Variants in GRIA4 observed in about 807,000 individuals in gnomAD.
The protein encoded by GRIA4 is glutamate ionotropic receptor AMPA type subunit 4, also known as glutamate receptor 4.
In GRIA4, 34 loss-of-function variants were observed where a neutral mutation model predicts 104.0. The observed-to-expected ratio is 0.33, with a 90% CI of 0.25 to 0.44. GRIA4 has a LOEUF of 0.44. Ranked by LOEUF, GRIA4 falls within the 20% of genes least tolerant of loss-of-function variation. GRIA4 has a pLI of 1.00. For synonymous variants in GRIA4, 386 were observed against 381.9 expected, an observed-to-expected ratio of 1.01 and a Z score of -0.13; for missense variants, 750 against 1,096.5, an observed-to-expected ratio of 0.68 and a Z score of 4.46.
At chr11:105,947,828 A>G (rs771316491) in intron 14 of GRIA4, among the ~76,000 whole-genome samples, 2 of 152,204 alleles carry the variant, frequency 1.3e-5, no homozygotes, top group Non-Finnish European at 2.9e-5. Context: ...TTAAAATTTG[A>G]ATTGTTTAAA....
intron 3 of GRIA4, among the ~76,000 whole-genome samples, chr11:105,676,411 A>C (rs113781907): frequency 1.3e-5 from 2 of 151,862 alleles, no homozygotes; most frequent in African/African-American, 4.8e-5. Context: ...AATGACTAAA[A>C]AAACTATTTT....
chr11:105,913,869 C>T (rs1157225201), intron 10 of GRIA4, among the ~76,000 whole-genome samples: 1 of 152,056 alleles, frequency 6.6e-6, no homozygotes, highest in East Asian at 1.9e-4. Context: ...AATTTATTCA[C>T]TCCAGTATCA....
chr11:105,929,540 A>G (rs1947815073), intron 13 of GRIA4, among the ~76,000 whole-genome samples: 1 of 152,162 alleles, frequency 6.6e-6, no homozygotes, highest in South Asian at 2.1e-4. Context: ...CTTTCACATT[A>G]TCACACACCT....
At chr11:105,707,921 G>C (rs1253147357) in intron 3 of GRIA4, 1 of 152,356 alleles carries the variant, frequency 6.6e-6, no homozygotes, top group Non-Finnish European at 1.5e-5. Context: ...GGACATATGA[G>C]AATTAGCATG....
chr11:105,723,246 T>C (rs764265597), intron 3 of GRIA4, among the ~76,000 whole-genome samples: 72 of 152,128 alleles, frequency 4.7e-4, no homozygotes, highest in Non-Finnish European at 7.4e-4. Context: ...TGTAGCTGAG[T>C]GTAATGGGCT....
intron 3 of GRIA4, among the ~76,000 whole-genome samples, chr11:105,691,060 AG>A (rs907149099): frequency 6.6e-6 from 1 of 152,294 alleles, no homozygotes; most frequent in African/African-American, 2.4e-5. Context: ...CTTTTGAGAC[AG>A]GGGGTGTGTG....
intron 14 of GRIA4, among the ~76,000 whole-genome samples, chr11:105,967,529 T>C (rs1858448667): frequency 1.3e-5 from 2 of 152,198 alleles, no homozygotes; most frequent in African/African-American, 4.8e-5. Context: ...CTTCTTATAG[T>C]TATGCAGTGA....
chr11:105,861,736 T>C (rs566427638), intron 4 of GRIA4, among the ~76,000 whole-genome samples: 1 of 152,304 alleles, frequency 6.6e-6, no homozygotes, highest in Non-Finnish European at 1.5e-5. Flanking sequence ...GGTTTGGGGT[T>C]TGTCTCATCA....
At chr11:105,784,861 A>G (rs79153722) in intron 4 of GRIA4, among the ~76,000 whole-genome samples, 4,569 of 152,278 alleles carry the variant, frequency 0.03, 137 homozygotes, top group African/African-American at 0.077. Flanking sequence ...AACATCACTT[A>G]TTGGAAAGAG....
At chr11:105,666,817 T>A (rs1354232056) in intron 3 of GRIA4, among the ~76,000 whole-genome samples, 3 of 152,122 alleles carry the variant, frequency 2.0e-5, no homozygotes, top group Non-Finnish European at 2.9e-5. Context: ...TTGCTTTTGC[T>A]TCTGAGCATC....
intron 6 of GRIA4, among the ~76,000 whole-genome samples, chr11:105,895,621 G>T (rs1277359290): frequency 1.3e-5 from 2 of 151,684 alleles, no homozygotes; most frequent in Non-Finnish European, 2.9e-5. Flanking sequence ...GAGGGATGGA[G>T]GGAGGGAGGG....
intron 4 of GRIA4, among the ~76,000 whole-genome samples, chr11:105,810,533 G>T (rs978510521): frequency 6.6e-6 from 1 of 152,060 alleles, no homozygotes; most frequent in African/African-American, 2.4e-5. Flanking sequence ...GGTCCTGGAG[G>T]CATCAGTCCT....
chr11:105,618,767 A>G (rs947401279), intron 3 of GRIA4, among the ~76,000 whole-genome samples: 3 of 151,912 alleles, frequency 2.0e-5, no homozygotes, highest in African/African-American at 7.2e-5. Flanking sequence ...AGTGAATGAG[A>G]TCACCCAGAG....
At chr11:105,894,569 T>C (rs1194330627) in intron 6 of GRIA4, among the ~76,000 whole-genome samples, 4 of 152,134 alleles carry the variant, frequency 2.6e-5, no homozygotes, top group Non-Finnish European at 4.4e-5. Context: ...TAGACTGATA[T>C]ATTTTTTCGT....
intron 3 of GRIA4, among the ~76,000 whole-genome samples, chr11:105,716,554 C>G (rs1954094438): frequency 6.6e-6 from 1 of 152,084 alleles, no homozygotes; most frequent in Admixed American, 6.6e-5. Flanking sequence ...TCTGATAACT[C>G]TGGTTAGAAA....
At chr11:105,618,922 T>C in intron 3 of GRIA4, among the ~76,000 whole-genome samples, 1 of 151,918 alleles carries the variant, frequency 6.6e-6, no homozygotes, top group East Asian at 1.9e-4. Flanking sequence ...AAGAGTAATT[T>C]CATAGAAGCC....
intron 4 of GRIA4, among the ~76,000 whole-genome samples, chr11:105,755,496 G>A (rs1044162452): frequency 6.6e-6 from 1 of 152,052 alleles, no homozygotes; most frequent in East Asian, 1.9e-4. Context: ...TAGGAACCTA[G>A]AGTAATGAGT....
chr11:105,939,118 A>G (rs1041690816), intron 14 of GRIA4, among the ~76,000 whole-genome samples: 1 of 152,190 alleles, frequency 6.6e-6, no homozygotes, highest in Non-Finnish European at 1.5e-5. Context: ...AAAAAATGCT[A>G]AAATGATTTG....
intron 3 of GRIA4, among the ~76,000 whole-genome samples, chr11:105,648,364 G>T (rs1189235347): frequency 6.6e-6 from 1 of 151,226 alleles, no homozygotes; most frequent in Admixed American, 6.6e-5. Flanking sequence ...TAAGATTATA[G>T]TAATTGGATA....
Sources: gnomAD v4.1 joint callset for allele counts (sites outside exome capture counted in the v4.1 genomes callset) on GRCh38, gnomAD v4.1.1 for gene constraint, MANE v1.5 for transcripts, NCBI Gene and HGNC (gene_info 2026-07-23, HGNC 2026-07-21) for gene names.